The following SLC25A33 variants were observed in gnomAD, a reference collection of about 807,000 sequenced individuals.
The protein encoded by SLC25A33 is solute carrier family 25 member 33.
Under a neutral mutation model 35.5 loss-of-function variants are expected in SLC25A33, and 15 were observed. The observed-to-expected ratio is 0.42, with a 90% CI of 0.28 to 0.65. SLC25A33 has a LOEUF of 0.65. SLC25A33 is among the 30% of genes least tolerant of loss of function. The pLI is 0.20. For synonymous variants in SLC25A33, 136 were observed against 148.7 expected (o/e 0.91, Z 0.62); for missense variants, 257 against 398.5 (o/e 0.64, Z 3.02).
At position 9,582,360 on chromosome 1, in the gene SLC25A33, G is replaced by A. The variant is rs752414302; in HGVS notation, c.825G>A (p.Ala275=). 5.5e-5 allele frequency: 89 copies of A among 1,613,844 alleles called. No individual in the cohort carries two copies. In the Admixed American group the frequency reaches 8.5e-4, roughly 15 times the overall value. ...AGTACAAGTCTTTTGTCCAGACGGC[G>A]CGCCTGGTGTTCCGGGAAGAAGGCT... is the stretch of plus-strand genomic sequence containing the variant. ...GTKYKSFVQT[A]RLVFREEGYL... Residue 275 remains alanine, a synonymous_variant, in exon 7 of 7, where the codon GCG becomes GCA. Coordinates refer to ENST00000302692, the MANE Select transcript of SLC25A33 (RefSeq NM_032315.3). The surrounding 1 kb of genome is among the most constrained non-coding windows in gnomAD (Gnocchi z 4.0).
intron 1 of SLC25A33, among the ~76,000 whole-genome samples, chr1:9,552,147 A>G (rs1366079589): frequency 6.6e-6 from 1 of 152,246 alleles, no homozygotes; most frequent in African/African-American, 2.4e-5. Flanking sequence ...CAGTGTGAGT[A>G]ATGAAAACAC....
At chr1:9,539,841 G>C in intron 1 of SLC25A33, 94 bp downstream of exon 1, 1 of 1,145,578 alleles carries the variant, frequency 8.7e-7, no homozygotes, top group Non-Finnish European at 1.1e-6. Flanking sequence ...GGCGGTTACC[G>C]GCCTTCCCCG....
chr1:9,575,086 G>A (rs559574559), intron 5 of SLC25A33, among the ~76,000 whole-genome samples: 161 of 151,780 alleles, frequency 1.1e-3, no homozygotes, highest in African/African-American at 3.6e-3. Flanking sequence ...GATGGTGGGC[G>A]CCTGTAGTCC....
At chr1:9,539,796 C>A in intron 1 of SLC25A33, 49 bp downstream of exon 1, 1 of 1,300,224 alleles carries the variant, frequency 7.7e-7, no homozygotes, top group Non-Finnish European at 9.7e-7. Flanking sequence ...GCGGTCCCCT[C>A]GGCCTTCGCC....
chr1:9,579,837 A>G, intron 5 of SLC25A33, 117 bp from the exon 6 acceptor site: 3 of 1,229,530 alleles, frequency 2.4e-6, no homozygotes, highest in South Asian at 1.6e-5. Context: ...GTTAGGAGCC[A>G]GGAAACAAGT....
intron 1 of SLC25A33, among the ~76,000 whole-genome samples, chr1:9,546,562 G>C (rs765512627): frequency 2.6e-5 from 4 of 152,020 alleles, no homozygotes; most frequent in Non-Finnish European, 5.9e-5. Context: ...TTAAATTAAC[G>C]TCCAGGGTAT....
At chr1:9,550,855 C>T (rs939260165) in intron 1 of SLC25A33, among the ~76,000 whole-genome samples, 8 of 151,638 alleles carry the variant, frequency 5.3e-5, no homozygotes, top group African/African-American at 1.9e-4. Context: ...AATGTGTATT[C>T]TTGGTAGAGA....
At chr1:9,553,207 T>G (rs1643292202) in intron 1 of SLC25A33, among the ~76,000 whole-genome samples, 3 of 96,710 alleles carry the variant, frequency 3.1e-5, no homozygotes, top group African/African-American at 6.3e-5. Flanking sequence ...AGTTTTGTTT[T>G]TTTTTTTTTT....
intron 2 of SLC25A33, among the ~76,000 whole-genome samples, chr1:9,563,232 A>T (rs796530584): frequency 9.8e-5 from 15 of 152,294 alleles, no homozygotes; most frequent in African/African-American, 3.4e-4. Context: ...CCGATTCTTT[A>T]GTATTTCAAC....
At chr1:9,547,174 C>T (rs974166481) in intron 1 of SLC25A33, among the ~76,000 whole-genome samples, 1 of 152,136 alleles carries the variant, frequency 6.6e-6, no homozygotes, top group African/African-American at 2.4e-5. Flanking sequence ...GGGATCTTCG[C>T]CAGGCGCAGT....
intron 6 of SLC25A33, 76 bp downstream of exon 6, chr1:9,580,310 T>C: frequency 6.5e-7 from 1 of 1,543,832 alleles, no homozygotes. Flanking sequence ...TCTAGACTTC[T>C]GAGGCGCACA....
intron 1 of SLC25A33, among the ~76,000 whole-genome samples, chr1:9,553,209 T>C (rs796985268): frequency 1.6e-5 from 2 of 126,266 alleles, no homozygotes; most frequent in African/African-American, 7.0e-5. Flanking sequence ...TTTTGTTTTT[T>C]TTTTTTTTTT....
intron 1 of SLC25A33, among the ~76,000 whole-genome samples, chr1:9,550,764 C>T (rs1043520765): frequency 6.6e-6 from 1 of 151,944 alleles, no homozygotes; most frequent in African/African-American, 2.4e-5. Context: ...CCTCTGCCTC[C>T]TGGTCTTAAG....
intron 2 of SLC25A33, among the ~76,000 whole-genome samples, chr1:9,566,173 G>A (rs532974098): frequency 8.6e-5 from 13 of 151,906 alleles, no homozygotes; most frequent in African/African-American, 3.1e-4. Context: ...TGAGTAGCTG[G>A]GACCACAGGC....
Position 9,570,259 on chromosome 1 carries a change from G to T in SLC25A33, c.316G>T (p.Ala106Ser). ...ATAATGTTCTCTTTGTTCTAACAGG[G>T]CTGTATACTTTGCATGTTACTCCAA... The part of the protein sequence containing the change: ...PNLVGVAPSR[A>S]VYFACYSKAK... The change falls in exon 4 of 7, where the codon GCT (alanine) becomes TCT (serine). Residue 106 changes from alanine (A) to serine (S), a missense_variant and splice_region_variant. By Grantham distance (99) the Ala-to-Ser change is moderately conservative. Coordinates refer to ENST00000302692, the MANE Select transcript of SLC25A33 (RefSeq NM_032315.3). The T allele has an allele frequency of 6.2e-7, 1 of 1,613,018 alleles. No homozygotes were observed. The highest frequency in any genetic ancestry group is 8.5e-7 in the Non-Finnish European group (1 of 1,179,436).
chr1:9,549,921 CATAT>C (rs56191912), intron 1 of SLC25A33, among the ~76,000 whole-genome samples: 1 of 135,938 alleles, frequency 7.4e-6, no homozygotes, highest in Non-Finnish European at 1.6e-5. Flanking sequence ...CCACGCCCAA[CATAT>C]ATATATATAT....
rs182400586 is a variant in SLC25A33 at position 9,575,616 on chromosome 1, A to G, written c.482+2204A>G. Reference sequence around the variant, plus strand: ...GGTGATAGAGTAAGACTCTGTCTGGAAAAAAAAACGAAAGCAAAACGAAAG... The same window carrying G: ...GGTGATAGAGTAAGACTCTGTCTGGGAAAAAAAACGAAAGCAAAACGAAAG... On this transcript the variant is annotated intron_variant, in intron 5 of 6. Transcript: ENST00000302692. Among the ~76,000 whole-genome samples the G allele has an allele frequency of 6.0e-5, 9 of 151,050 alleles. No individual in the cohort carries two copies. In the East Asian group the frequency reaches 1.5e-3, roughly 26 times the overall value.
chr1:9,546,800 G>A (rs1643178181), intron 1 of SLC25A33, among the ~76,000 whole-genome samples: 1 of 152,074 alleles, frequency 6.6e-6, no homozygotes, highest in South Asian at 2.1e-4. Context: ...TTCAGGTGAG[G>A]GCTTAGCTGA....
chr1:9,545,315 A>C (rs1643151079), intron 1 of SLC25A33, among the ~76,000 whole-genome samples: 1 of 152,016 alleles, frequency 6.6e-6, no homozygotes, highest in Admixed American at 6.6e-5. Context: ...TCCCGGCTTC[A>C]AGTGATTCTA....
Sources: gnomAD v4.1 joint callset for allele counts (sites outside exome capture counted in the v4.1 genomes callset) on GRCh38, gnomAD v4.1.1 for gene constraint, Gnocchi (gnomAD v3.1) non-coding constraint, MANE v1.5 for transcripts, NCBI Gene and HGNC (gene_info 2026-07-23, HGNC 2026-07-21) for gene names.